The following CPVL variants were observed in gnomAD, a reference collection of about 807,000 sequenced individuals.
CPVL encodes probable serine carboxypeptidase CPVL.
Under a neutral mutation model 63.7 loss-of-function variants are expected in CPVL, and 51 were observed. The ratio of observed to expected loss-of-function variants is 0.80; its 90% CI spans 0.64 to 1.01. The LOEUF (loss-of-function observed/expected upper bound fraction) is 1.01. Ranked by LOEUF, CPVL falls within the 50% of genes least tolerant of loss-of-function variation. The pLI is 0.00. For synonymous variants in CPVL, 195 were observed against 206.0 expected, an observed-to-expected ratio of 0.95 and a Z score of 0.46; for missense variants, 530 against 573.1, an observed-to-expected ratio of 0.92 and a Z score of 0.77.
At chr7:29,168,580 A>C (rs1796202933) in intron 5 of CPVL, among the ~76,000 whole-genome samples, 1 of 152,024 alleles carries the variant, frequency 6.6e-6, no homozygotes, top group Non-Finnish European at 1.5e-5. Context: ...AAAGGTAAGA[A>C]CTCTTTGCAA....
At chr7:29,183,934 C>T (rs1472439007) in intron 4 of CPVL, among the ~76,000 whole-genome samples, 1 of 151,986 alleles carries the variant, frequency 6.6e-6, no homozygotes, top group Admixed American at 6.6e-5. Context: ...TGGGGCATAA[C>T]AACGAGTTAC....
At chr7:29,158,942 A>C (rs1257512284) in intron 5 of CPVL, among the ~76,000 whole-genome samples, 1 of 152,200 alleles carries the variant, frequency 6.6e-6, no homozygotes, top group African/African-American at 2.4e-5. Flanking sequence ...CTGAAAACTG[A>C]TTTCCAAATA....
intron 9 of CPVL, among the ~76,000 whole-genome samples, chr7:29,069,116 A>G (rs753715315): frequency 8.5e-5 from 13 of 152,114 alleles, no homozygotes; most frequent in Non-Finnish European, 1.5e-4. Flanking sequence ...GTCAACCTTG[A>G]AGAATAACTT....
At chr7:29,158,171 G>A (rs1367573762) in intron 5 of CPVL, among the ~76,000 whole-genome samples, 1 of 152,172 alleles carries the variant, frequency 6.6e-6, no homozygotes, top group African/African-American at 2.4e-5. Context: ...TTAGAGTTGA[G>A]TATATTAAGA....
rs1229795783 is a variant in CPVL at position 29,124,417 on chromosome 7, C to T, written c.-10-3346G>A. ...TAAATGTTTAGAAACAGAATAAAAT[C>T]TGGGTAAATACAAAACAATATCAAC... On this transcript the variant is annotated intron_variant, in intron 1 of 12. Coordinates refer to ENST00000265394, the MANE Select transcript of CPVL (RefSeq NM_031311.5). 6.6e-5 allele frequency among the ~76,000 whole-genome samples: 10 copies of T among 152,146 alleles called. No homozygotes were observed. The South Asian group carries it at 1.7e-3, about 25-fold the overall frequency.
intron 12 of CPVL, among the ~76,000 whole-genome samples, chr7:29,004,184 C>T (rs1261001733): frequency 6.6e-6 from 1 of 152,012 alleles, no homozygotes; most frequent in East Asian, 1.9e-4. Context: ...GTATGACTTC[C>T]AAATAATAGA....
chr7:29,190,744 C>T (rs1259135201), intron 1 of CPVL, among the ~76,000 whole-genome samples: 1 of 152,166 alleles, frequency 6.6e-6, no homozygotes, highest in Non-Finnish European at 1.5e-5. Context: ...TACTCATTGT[C>T]TTGTAGCTCA....
At chr7:29,051,467 T>C (rs1038902184) in intron 11 of CPVL, among the ~76,000 whole-genome samples, 1 of 152,118 alleles carries the variant, frequency 6.6e-6, no homozygotes, top group Non-Finnish European at 1.5e-5. Context: ...AAAGAAGATA[T>C]ACAAATGGCC....
chr7:29,105,337 A>G (rs904026124), intron 3 of CPVL, among the ~76,000 whole-genome samples: 9 of 152,172 alleles, frequency 5.9e-5, no homozygotes, highest in African/African-American at 2.2e-4. Context: ...TGCTGGCTAC[A>G]TGATGCAAGG....
chr7:29,121,084 C>G lies in CPVL; in HGVS notation c.-10-13G>C. ...CATCTCTCAGGGTCTAGGATAAAAA[C>G]AGCATTCCAAAAATGAATCATAAGA... On this transcript the variant is annotated splice_polypyrimidine_tract_variant and intron_variant, in intron 1 of 12. Coordinates refer to ENST00000265394, the MANE Select transcript of CPVL (RefSeq NM_031311.5). 1 of 1,558,430 alleles carries G rather than the reference C, an allele frequency of 6.4e-7. No homozygotes were observed. Among genetic ancestry groups the G allele is most frequent in the Non-Finnish European group, 8.6e-7 (1 of 1,156,512 alleles).
In CPVL at chr7:29,030,569, C is replaced by T; in HGVS notation, c.1320+8G>A. The T allele has an allele frequency of 6.2e-7, 1 of 1,608,676 alleles. No individual in the cohort carries two copies. Among genetic ancestry groups the T allele is most frequent in the South Asian group, 1.1e-5 (1 of 89,704 alleles). ...CCACAACCTGCCTGCTCCCAAGCAT[C>T]TTCCTACCTGATGGAAGTCACCCGC... On this transcript the variant is annotated splice_region_variant and intron_variant, in intron 12 of 12. Coordinates refer to ENST00000265394, the MANE Select transcript of CPVL (RefSeq NM_031311.5).
intron 12 of CPVL, among the ~76,000 whole-genome samples, chr7:29,023,037 T>C (rs925554504): frequency 6.6e-6 from 1 of 152,190 alleles, no homozygotes; most frequent in Non-Finnish European, 1.5e-5. Context: ...GCCCACCAAG[T>C]TTGCTGCCAT....
rs529715159 is a variant in CPVL at position 29,193,093 on chromosome 7, T to C, written c.-448+1984A>G. 8 of 152,324 alleles carry C rather than the reference T, an allele frequency of 5.3e-5. No individual in the cohort carries two copies. The East Asian group carries it at 1.4e-3, about 26-fold the overall frequency. The allele number at this position is 152,324 out of a possible 1,614,324, so 9.4% of individuals were successfully genotyped here. ...CTGGGAAAATGCGGGCGCTTGGGTC[T>C]CCTTAGACCAGCCAGGGCTGTTTCA... On this transcript the variant is annotated intron_variant, in intron 1 of 16. Coordinates refer to the CPVL transcript ENST00000409850.
chr7:29,030,470 T>G (rs1387701703), intron 12 of CPVL, 107 bp downstream of exon 12: 234 of 1,044,714 alleles, frequency 2.2e-4, no homozygotes, highest in Middle Eastern at 2.1e-4. Flanking sequence ...ACACTGGCTG[T>G]TGTATGGCTT....
intron 5 of CPVL, among the ~76,000 whole-genome samples, chr7:29,161,067 G>C (rs764084133): frequency 2.6e-5 from 4 of 151,962 alleles, no homozygotes; most frequent in Non-Finnish European, 4.4e-5. Context: ...ATAATACCTA[G>C]AAGCTACCTG....
intron 1 of CPVL, among the ~76,000 whole-genome samples, chr7:29,130,738 A>C (rs563292409): frequency 1.1e-4 from 17 of 152,322 alleles, no homozygotes; most frequent in African/African-American, 4.1e-4. Flanking sequence ...TAAACGACAG[A>C]ATATAACGAA....
At chr7:29,117,885 G>A (rs1275376061) in intron 2 of CPVL, among the ~76,000 whole-genome samples, 2 of 152,152 alleles carry the variant, frequency 1.3e-5, no homozygotes, top group Non-Finnish European at 2.9e-5. Flanking sequence ...GGGATATAAT[G>A]ACTAAATGTT....
intron 5 of CPVL, among the ~76,000 whole-genome samples, chr7:29,151,709 G>A (rs953215190): frequency 6.6e-6 from 1 of 152,164 alleles, no homozygotes; most frequent in South Asian, 2.1e-4. Context: ...TAGACCGATG[G>A]CATCTGAATC....
At chr7:29,175,678 C>T (rs1357693429) in intron 5 of CPVL, among the ~76,000 whole-genome samples, 2 of 151,854 alleles carry the variant, frequency 1.3e-5, no homozygotes, top group Non-Finnish European at 2.9e-5. Flanking sequence ...AACAGACTAA[C>T]ACAGATAAAT....
Sources: allele counts gnomAD v4.1 joint callset (sites outside exome capture counted in the v4.1 genomes callset), GRCh38; gene constraint gnomAD v4.1.1; transcripts MANE v1.5; gene names NCBI Gene and HGNC (gene_info 2026-07-23, HGNC 2026-07-21).